Variants in EIF2B1 observed in about 807,000 individuals in gnomAD.
EIF2B1 encodes the protein eukaryotic translation initiation factor 2B subunit alpha, also known as translation initiation factor eIF2B subunit alpha.
Under a neutral mutation model 36.8 loss-of-function variants are expected in EIF2B1, and 30 were observed. The ratio of observed to expected loss-of-function variants is 0.81; its 90% CI spans 0.61 to 1.10. The LOEUF is 1.10. EIF2B1 is among the 50% of genes least tolerant of loss of function. The pLI, the probability that EIF2B1 is intolerant of heterozygous loss-of-function variation, is 0.00. For missense variants in EIF2B1, 271 were observed against 374.8 expected (o/e 0.72, Z 2.29); for synonymous variants, 139 against 142.2 (o/e 0.98, Z 0.16).
intron 6 of EIF2B1, among the ~76,000 whole-genome samples, chr12:123,625,811 C>G (rs904808398): frequency 6.6e-6 from 1 of 152,192 alleles, no homozygotes; most frequent in Admixed American, 6.5e-5. Flanking sequence ...CTGATCCCAA[C>G]TGACCTTTGT....
intron 4 of EIF2B1, among the ~76,000 whole-genome samples, chr12:123,628,808 C>A (rs150269352): frequency 6.6e-6 from 1 of 152,142 alleles, no homozygotes; most frequent in African/African-American, 2.4e-5. Context: ...CACTGAATCC[C>A]GATCTGCATT....
chr12:123,622,856 T>C, intron 7 of EIF2B1, 95 bp from the exon 8 acceptor site: 1 of 1,584,234 alleles, frequency 6.3e-7, no homozygotes, highest in Non-Finnish European at 8.6e-7. Flanking sequence ...CATGCCTGTA[T>C]TCCAGCATTT....
rs1955064096 is a variant in EIF2B1 at position 123,620,606 on chromosome 12, A to ATG, written c.*1149_*1150insCA. Reference sequence around the variant, plus strand: ...TATATATATATATATATATATATATATATATATATATATATATATATAAGC... The same window carrying ATG: ...TATATATATATATATATATATATATATGTATATATATATATATATATATAAGC... On this transcript the variant is annotated 3_prime_UTR_variant, in exon 9 of 9. Coordinates refer to ENST00000424014, the MANE Select transcript of EIF2B1 (RefSeq NM_001414.4). 1.3e-5 allele frequency: 1 copy of ATG among 75,892 alleles called. No homozygotes were observed. The highest frequency in any genetic ancestry group is 3.3e-5 in the Non-Finnish European group (1 of 30,616). 4.7% of individuals were successfully genotyped at this position (75,892 alleles called of 1,614,324 possible).
intron 7 of EIF2B1, among the ~76,000 whole-genome samples, chr12:123,623,114 C>G (rs1001376485): frequency 6.9e-6 from 1 of 145,682 alleles, no homozygotes; most frequent in South Asian, 2.2e-4. Flanking sequence ...GATGTGGTGG[C>G]TCACGCCTGT....
At position 123,633,597 on chromosome 12, in the gene EIF2B1, C is replaced by G; in HGVS notation, c.-40G>C. ...GCGGAGCCCCAGGGGACCCGAGCCG[C>G]CCGCGCTGTCTCGAACGGGTCCGCC... is the stretch of plus-strand genomic sequence containing the variant. On this transcript the variant is annotated 5_prime_UTR_variant, in exon 1 of 9. Coordinates refer to ENST00000424014, the MANE Select transcript of EIF2B1 (RefSeq NM_001414.4). The G allele has an allele frequency of 6.2e-7, 1 of 1,605,274 alleles. No homozygotes were observed. Among genetic ancestry groups the G allele is most frequent in the Non-Finnish European group, 8.5e-7 (1 of 1,179,876 alleles).
Position 123,630,677 on chromosome 12 carries a change from G to A in EIF2B1, c.116-144C>T, listed in dbSNP as rs1326130333. On this transcript the variant is annotated intron_variant, in intron 2 of 8. Transcript: ENST00000424014. The surrounding 1 kb of genome is among the most constrained non-coding windows in gnomAD (Gnocchi z 4.6). ...TATTCTAGATGCTAGGGATACATCA[G>A]TGAACAAGACAGGTAGGGTTCTGCT... The A allele has an allele frequency of 2.5e-6, 3 of 1,178,482 alleles. No homozygotes were observed. Among genetic ancestry groups the A allele is most frequent in the East Asian group, 2.5e-5 (1 of 40,490 alleles). 73.0% of individuals were successfully genotyped at this position (1,178,482 alleles called of 1,614,324 possible).
intron 5 of EIF2B1, chr12:123,626,813 C>G (rs1593780241): frequency 1.4e-6 from 1 of 689,948 alleles, no homozygotes; most frequent in Admixed American, 2.1e-5. Flanking sequence ...TCAATACAAT[C>G]TCTGCTCTTC....
chr12:123,630,108 C>T lies in EIF2B1; in HGVS notation c.369+61G>A. The T allele has an allele frequency of 6.8e-7, 1 of 1,463,678 alleles. No homozygotes were observed. The highest frequency in any genetic ancestry group is 2.3e-5 in the East Asian group (1 of 44,224). The allele number at this position is 1,463,678 out of a possible 1,614,324, so 90.7% of individuals were successfully genotyped here. ...GTGAGTGGCAGAGCCCGGATTTTAC[C>T]CCAGGCAGTCGGACTCGAAACCGTT... On this transcript the variant is annotated intron_variant, in intron 4 of 8. Coordinates refer to ENST00000424014, the MANE Select transcript of EIF2B1 (RefSeq NM_001414.4). The surrounding 1 kb of genome is among the most constrained non-coding windows in gnomAD (Gnocchi z 4.6).
intron 1 of EIF2B1, 134 bp from the exon 2 acceptor site, chr12:123,632,580 G>A: frequency 1.4e-6 from 1 of 701,986 alleles, no homozygotes; most frequent in Non-Finnish European, 2.5e-6. Flanking sequence ...TTGGTTTCAG[G>A]GATGCAATAA....
At chr12:123,627,513 A>C (rs1025709146) in intron 4 of EIF2B1, among the ~76,000 whole-genome samples, 10 of 152,216 alleles carry the variant, frequency 6.6e-5, no homozygotes, top group Non-Finnish European at 1.2e-4. Flanking sequence ...AGGTAGCAGA[A>C]GTCACTGCAG....
chr12:123,621,557 G>C lies in EIF2B1; in HGVS notation c.*199C>G. ...AAACCGTAAGAACAATTTAAGTTGG[G>C]ATTTAGAATAGCTGACACATTTTTA... On this transcript the variant is annotated 3_prime_UTR_variant, in exon 9 of 9. Transcript: ENST00000424014. The C allele has an allele frequency of 1.5e-6, 1 of 649,820 alleles. No individual in the cohort carries two copies. The highest frequency in any genetic ancestry group is 2.6e-6 in the Non-Finnish European group (1 of 378,892). 40.3% of individuals were successfully genotyped at this position (649,820 alleles called of 1,614,324 possible). A position where few individuals can be genotyped will look rare whatever the true frequency, so the allele number is the denominator to read the frequency against.
Position 123,621,348 on chromosome 12 carries a change from C to T in EIF2B1, c.*408G>A. On this transcript the variant is annotated 3_prime_UTR_variant, in exon 9 of 9. Transcript: ENST00000424014. ...CAAGGCACCGCGTGTAACGTCCTGACCAGCTGTTGGTCATTTGTGGCAGAG... is the reference window on the plus strand; with the variant it reads ...CAAGGCACCGCGTGTAACGTCCTGATCAGCTGTTGGTCATTTGTGGCAGAG... 1 of 327,394 alleles carries T rather than the reference C, an allele frequency of 3.1e-6. No homozygotes were observed. Among genetic ancestry groups the T allele is most frequent in the African/African-American group, 2.2e-5 (1 of 46,416 alleles). 20.3% of individuals were successfully genotyped at this position (327,394 alleles called of 1,614,324 possible). A position where few individuals can be genotyped will look rare whatever the true frequency, so the allele number is the denominator to read the frequency against.
Position 123,627,123 on chromosome 12 carries a change from G to C in EIF2B1, c.403C>G (p.Leu135Val). The C allele has an allele frequency of 1.2e-6, 2 of 1,614,140 alleles. No homozygotes were observed. The highest frequency in any genetic ancestry group is 1.7e-6 in the Non-Finnish European group (2 of 1,180,014). Residue 135 changes from leucine (L) to valine (V), a missense_variant, in exon 5 of 9, where the codon CTG (leucine) becomes GTG (valine). Transcript: ENST00000424014. ...GCCACGGCTGCTTCCAGGACTCTCA[G>C]GACCACTCTGGAGTAGGCGTGAGTC... ...ILTHAYSRVVLRVLEAAVAAK... is the reference protein window; with the variant it reads ...ILTHAYSRVVVRVLEAAVAAK...
At chr12:123,632,613 T>C (rs1469542723) in intron 1 of EIF2B1, among the ~76,000 whole-genome samples, 167 bp from the exon 2 acceptor site, 44 of 152,128 alleles carry the variant, frequency 2.9e-4, no homozygotes, top group Non-Finnish European at 1.5e-5. Context: ...ATAGAGAAAA[T>C]ACCACTTTGC....
rs763778238 is a variant in EIF2B1 at position 123,626,412 on chromosome 12, GAT to G, written c.551+11_551+12del. ...GGGGGAGGTGATTATGGCTGGGGAA[GAT>G]GGGCACTCACCCGACAGCAGCATCT... On this transcript the variant is annotated intron_variant, in intron 6 of 8. Coordinates refer to ENST00000424014, the MANE Select transcript of EIF2B1 (RefSeq NM_001414.4). 6.2e-7 allele frequency: 1 copy of G among 1,614,090 alleles called. No individual in the cohort carries two copies.
Position 123,621,666 on chromosome 12 carries a change from C to G in EIF2B1, c.*90G>C. 1 of 1,525,754 alleles carries G rather than the reference C, an allele frequency of 6.6e-7. No individual in the cohort carries two copies. Among genetic ancestry groups the G allele is most frequent in the East Asian group, 2.3e-5 (1 of 44,444 alleles). 94.5% of individuals were successfully genotyped at this position (1,525,754 alleles called of 1,614,324 possible). A position where few individuals can be genotyped will look rare whatever the true frequency, so the allele number is the denominator to read the frequency against. On this transcript the variant is annotated 3_prime_UTR_variant, in exon 9 of 9. Transcript: ENST00000424014. The stretch of plus-strand genomic sequence containing the variant: ...CCATAAATCTTCATTAAACACATCT[C>G]AGTTTTGGCCTGACTCACTGGGGTG...
At chr12:123,624,449 A>G (rs1466413882) in intron 7 of EIF2B1, among the ~76,000 whole-genome samples, 1 of 151,950 alleles carries the variant, frequency 6.6e-6, no homozygotes, top group Non-Finnish European at 1.5e-5. Flanking sequence ...TTGTAGAGAC[A>G]GGGTTTCACT....
Position 123,632,421 on chromosome 12 carries a change from C to T in EIF2B1, c.39G>A (p.Gln13=), listed in dbSNP as rs369922737. ...AGGCCATGTCAGGATCTTCTTTCAT[C>T]TGAGACTTAAAGTATTCAATTAACT... The part of the protein sequence containing the change: ...DKELIEYFKS[Q]MKEDPDMASA... The change falls in exon 2 of 9, where the codon CAG becomes CAA. Residue 13 remains glutamine, a synonymous_variant. Coordinates refer to ENST00000424014, the MANE Select transcript of EIF2B1 (RefSeq NM_001414.4). 8 of 1,613,568 alleles carry T rather than the reference C, an allele frequency of 5.0e-6. No individual in the cohort carries two copies. The highest frequency in any genetic ancestry group is 6.8e-6 in the Non-Finnish European group (8 of 1,179,792).
At position 123,630,125 on chromosome 12, in the gene EIF2B1, G is replaced by A. The variant is rs201194663; in HGVS notation, c.369+44C>T. The A allele has an allele frequency of 1.8e-3, 2,816 of 1,579,976 alleles. 5 individuals carry two copies. Among genetic ancestry groups the A allele is most frequent in the Non-Finnish European group, 2.3e-3 (2,670 of 1,150,574 alleles). On this transcript the variant is annotated intron_variant, in intron 4 of 8. Coordinates refer to ENST00000424014, the MANE Select transcript of EIF2B1 (RefSeq NM_001414.4). This position sits in a 1 kb window ranked among gnomAD's most constrained non-coding sequence, Gnocchi z 4.6. ...GATTTTACCCCAGGCAGTCGGACTC[G>A]AAACCGTTGCTCCTCCTTACCACCA... is the stretch of plus-strand genomic sequence containing the variant.
Sources: gnomAD v4.1 joint callset for allele counts (sites outside exome capture counted in the v4.1 genomes callset) on GRCh38, gnomAD v4.1.1 for gene constraint, Gnocchi (gnomAD v3.1) non-coding constraint, MANE v1.5 for transcripts, NCBI Gene and HGNC (gene_info 2026-07-23, HGNC 2026-07-21) for gene names.